Variants in CEP126 observed in about 807,000 individuals in gnomAD.
CEP126 encodes centrosomal protein 126.
In CEP126, 74 loss-of-function variants were observed where a neutral mutation model predicts 107.8. That is an observed-to-expected ratio of 0.69 (90% CI 0.57 to 0.83). The LOEUF is 0.83. Ranked by LOEUF, CEP126 falls within the 40% of genes least tolerant of loss-of-function variation. The pLI is 0.00. For synonymous variants in CEP126, 449 were observed against 446.0 expected (o/e 1.01, Z -0.08); for missense variants, 1,237 against 1,281.9 (o/e 0.96, Z 0.53).
At chr11:101,996,528 T>A (rs186893330) in intron 10 of CEP126, among the ~76,000 whole-genome samples, 1 of 152,220 alleles carries the variant, frequency 6.6e-6, no homozygotes, top group African/African-American at 2.4e-5. Flanking sequence ...ATAATTCTTA[T>A]AATGGCTTTG....
chr11:101,981,951 T>G lies in CEP126; in HGVS notation c.3021T>G (p.Ser1007=), dbSNP rs751878846. The G allele has an allele frequency of 5.7e-6, 9 of 1,569,272 alleles. No individual in the cohort carries two copies. In the South Asian group the frequency reaches 9.3e-5, roughly 16 times the overall value. Residue 1007 remains serine (S), a synonymous_variant, in exon 8 of 11, where the codon TCT becomes TCG. Transcript: ENST00000263468. ...SEPKQTTRGT[S]YIEEVSDSTS... is the part of the protein sequence containing the mutation. Reference sequence around the variant, plus strand: ...CAAAACAAACTACAAGGGGTACTTCTTATATTGAAGAAGGTATGTTTTAGT... The same window carrying G: ...CAAAACAAACTACAAGGGGTACTTCGTATATTGAAGAAGGTATGTTTTAGT...
intron 6 of CEP126, among the ~76,000 whole-genome samples, chr11:101,972,769 C>T (rs1163286405): frequency 1.3e-5 from 2 of 151,316 alleles, no homozygotes; most frequent in African/African-American, 4.9e-5. Flanking sequence ...CCATTGCACT[C>T]CAGCCTGGGC....
intron 2 of CEP126, among the ~76,000 whole-genome samples, chr11:101,924,589 C>A (rs546842281): frequency 5.9e-5 from 9 of 152,166 alleles, no homozygotes; most frequent in Non-Finnish European, 1.3e-4. Context: ...CCTCAACCCC[C>A]CGAATAGCTG....
intron 10 of CEP126, 113 bp from the exon 11 acceptor site, chr11:101,997,486 G>T: frequency 6.5e-7 from 1 of 1,530,888 alleles, no homozygotes. Flanking sequence ...CATTACCTGG[G>T]AGAATGATGT....
At chr11:101,924,574 C>T (rs10895222) in intron 2 of CEP126, among the ~76,000 whole-genome samples, 82,209 of 151,840 alleles carry the variant, frequency 0.54, 22,890 homozygotes, top group East Asian at 0.78. Context: ...CAAACGATTC[C>T]CCTGCCTCAA....
intron 2 of CEP126, among the ~76,000 whole-genome samples, chr11:101,931,710 A>G (rs1049981527): frequency 3.3e-5 from 5 of 152,204 alleles, no homozygotes; most frequent in African/African-American, 1.2e-4. Flanking sequence ...TCCGTCCAGA[A>G]GAAAGAAATG....
At chr11:101,965,935 T>C (rs1941052745) in intron 6 of CEP126, among the ~76,000 whole-genome samples, 1 of 152,138 alleles carries the variant, frequency 6.6e-6, no homozygotes. Context: ...TATCACACTC[T>C]GCTAATTAGG....
intron 9 of CEP126, among the ~76,000 whole-genome samples, chr11:101,988,778 G>A (rs201210386): frequency 2.0e-5 from 3 of 148,876 alleles, no homozygotes; most frequent in Admixed American, 1.3e-4. Context: ...ATATGTATAT[G>A]TATATATATA....
intron 9 of CEP126, among the ~76,000 whole-genome samples, chr11:101,991,509 G>A (rs1383498673): frequency 1.3e-5 from 2 of 152,170 alleles, no homozygotes; most frequent in African/African-American, 4.8e-5. Context: ...ATATGTTAAA[G>A]GTTATGGTGG....
At position 101,949,112 on chromosome 11, in the gene CEP126, A is replaced by G. The variant is rs537718194; in HGVS notation, c.506+970A>G. Among the ~76,000 whole-genome samples, 204 of 152,286 alleles carry G rather than the reference A, an allele frequency of 1.3e-3. 1 individual carries two copies. Among genetic ancestry groups the G allele is most frequent in the African/African-American group, 4.4e-3 (185 of 41,574 alleles). ...TGAGTGGATGGCATTTTAGACAGAG[A>G]GATGAGCATGTGCAAAAGCCAAGGG... On this transcript the variant is annotated intron_variant, in intron 4 of 10. Transcript: ENST00000263468.
At chr11:101,953,121 A>G (rs901757728) in intron 4 of CEP126, among the ~76,000 whole-genome samples, 2 of 152,222 alleles carry the variant, frequency 1.3e-5, no homozygotes, top group Non-Finnish European at 2.9e-5. Context: ...AACAGGAACA[A>G]ATGTTTTTGT....
chr11:101,956,115 A>G (rs1196916328), intron 4 of CEP126: 1 of 456,348 alleles, frequency 2.2e-6, no homozygotes, highest in Non-Finnish European at 4.4e-6. Flanking sequence ...CATCCACCCC[A>G]CGCACCCCAG....
At chr11:101,979,617 T>A (rs1391561005) in intron 7 of CEP126, among the ~76,000 whole-genome samples, 1 of 151,934 alleles carries the variant, frequency 6.6e-6, no homozygotes, top group Non-Finnish European at 1.5e-5. Context: ...GGCACTGGAG[T>A]CCCAGCTACT....
chr11:101,992,114 T>A (rs1428051951), intron 9 of CEP126, among the ~76,000 whole-genome samples: 1 of 151,830 alleles, frequency 6.6e-6, no homozygotes, highest in Non-Finnish European at 1.5e-5. Context: ...AATATGCATA[T>A]GTTTTATATA....
chr11:101,944,917 T>A (rs958763574), intron 3 of CEP126, among the ~76,000 whole-genome samples: 1 of 152,146 alleles, frequency 6.6e-6, no homozygotes, highest in African/African-American at 2.4e-5. Flanking sequence ...ATACCTTAAA[T>A]AGTAAGACAA....
Position 101,963,004 on chromosome 11 carries a change from C to G in CEP126, c.1969C>G (p.Gln657Glu), listed in dbSNP as rs746781667. 2.6e-5 allele frequency: 42 copies of G among 1,613,704 alleles called. No homozygotes were observed. The East Asian group carries it at 8.9e-4, about 34-fold the overall frequency. The change falls in exon 6 of 11, where the codon CAA becomes GAA. Residue 657 changes from glutamine (Q) to glutamate (E), a missense_variant. This residue lies in a region of CEP126 where 1,134 missense variants were observed against 1,150.5 expected (regional missense o/e 0.99). Transcript: ENST00000263468. ...HSLKNKTGTT[Q>E]QHSQQFHIQS... The stretch of plus-strand genomic sequence containing the variant: ...ACTGAAGAATAAAACAGGAACAACT[C>G]AACAGCATTCTCAACAATTCCACAT...
At chr11:101,915,717 A>G (rs1033140753) in intron 1 of CEP126, among the ~76,000 whole-genome samples, 1 of 152,180 alleles carries the variant, frequency 6.6e-6, no homozygotes, top group Non-Finnish European at 1.5e-5. Context: ...TTATGCCATT[A>G]TGTTCTTTAC....
chr11:101,979,466 G>A lies in CEP126; in HGVS notation c.2958+1007G>A, dbSNP rs1050513825. Among the ~76,000 whole-genome samples the A allele has an allele frequency of 2.6e-5, 4 of 151,876 alleles. No individual in the cohort carries two copies. The East Asian group carries it at 7.8e-4, about 30-fold the overall frequency. On this transcript the variant is annotated intron_variant, in intron 7 of 10. Transcript: ENST00000263468. ...AGCATAATAACAATTTTAAAATAAT[G>A]GCCAGGCGTGGTGGCTCATGCCTGT...
rs150747976 is a variant in CEP126, at chr11:101,951,060, T to G, written c.506+2918T>G. Among the ~76,000 whole-genome samples the G allele has an allele frequency of 8.7e-4, 133 of 152,264 alleles. No individual in the cohort carries two copies. The Middle Eastern group carries it at 0.01, about 12-fold the overall frequency. On this transcript the variant is annotated intron_variant, in intron 4 of 10. Coordinates refer to ENST00000263468, the MANE Select transcript of CEP126 (RefSeq NM_020802.4). Reference sequence around the variant, plus strand: ...TAAACCAGAACAGTACTATTTTGTATAGTGAAGAAAGGATGGCTCTGATAA... The same window carrying G: ...TAAACCAGAACAGTACTATTTTGTAGAGTGAAGAAAGGATGGCTCTGATAA...
Sources: gnomAD v4.1 joint callset for allele counts (sites outside exome capture counted in the v4.1 genomes callset) on GRCh38, gnomAD v4.1.1 for gene constraint, gnomAD v4.1.1 regional missense constraint, MANE v1.5 for transcripts, NCBI Gene and HGNC (gene_info 2026-07-23, HGNC 2026-07-21) for gene names.